MMP24: variants seen among roughly 807,000 people sequenced by gnomAD.
MMP24 encodes matrix metallopeptidase 24, also known as matrix metalloproteinase-24.
In MMP24, 25 loss-of-function variants were observed where a neutral mutation model predicts 62.8. The ratio of observed to expected loss-of-function variants is 0.40; its 90% CI spans 0.29 to 0.56. MMP24 has a LOEUF of 0.56. MMP24 is among the 20% of genes least tolerant of loss of function. The probability of loss-of-function intolerance (pLI) is 0.50; values close to 1 mark genes in which losing one functional copy is unlikely to be tolerated. For missense variants in MMP24, 634 were observed against 853.6 expected, an observed-to-expected ratio of 0.74 and a Z score of 3.21; for synonymous variants, 319 against 350.5, an observed-to-expected ratio of 0.91 and a Z score of 1.00.
In MMP24 at chr20:35,276,540, CTGAGA is replaced by C. The variant is rs1286594859; in HGVS notation, c.*1942_*1946del. 17 of 373,962 alleles carry C rather than the reference CTGAGA, an allele frequency of 4.5e-5. No individual in the cohort carries two copies. Among genetic ancestry groups the C allele is most frequent in the East Asian group, 1.5e-4 (4 of 26,102 alleles). The allele number at this position is 373,962 out of a possible 1,614,324, so 23.2% of individuals were successfully genotyped here. ...CCCCATCTGTGGACCCCTCTAGGGTCTGAGATGAGATGAGAAGTGTCTCCTGTATC... is the reference window on the plus strand; with the variant it reads ...CCCCATCTGTGGACCCCTCTAGGGTCTGAGATGAGAAGTGTCTCCTGTATC... On this transcript the variant is annotated 3_prime_UTR_variant, in exon 9 of 9. Coordinates refer to ENST00000246186, the MANE Select transcript of MMP24 (RefSeq NM_006690.4).
At chr20:35,266,210 G>A (rs2060633852) in intron 5 of MMP24, among the ~76,000 whole-genome samples, 1 of 146,730 alleles carries the variant, frequency 6.8e-6, no homozygotes, top group African/African-American at 2.5e-5. Flanking sequence ...AAATCACCTG[G>A]GTGTGGTGGT....
At chr20:35,250,865 C>T (rs555300672) in intron 2 of MMP24, among the ~76,000 whole-genome samples, 1 of 152,278 alleles carries the variant, frequency 6.6e-6, no homozygotes, top group Admixed American at 6.5e-5. Context: ...CCAATCACCT[C>T]CCACCAGGCC....
In MMP24 at chr20:35,269,843, T is replaced by C. The variant is rs374488445; in HGVS notation, c.1278T>C (p.Pro426=). 1.0e-4 allele frequency: 159 copies of C among 1,556,136 alleles called. 1 individual carries two copies. The African/African-American group carries it at 2.0e-3, about 20-fold the overall frequency. The change falls in exon 7 of 9, where the codon CCT becomes CCC. Residue 426 remains proline (P), a synonymous_variant. Coordinates refer to ENST00000246186, the MANE Select transcript of MMP24 (RefSeq NM_006690.4). This position sits in a 1 kb window ranked among gnomAD's most constrained non-coding sequence, Gnocchi z 4.6. The part of the protein sequence containing the change: ...MQIEQFWKGL[P]ARIDAAYERA... ...TCGAGCAGTTCTGGAAGGGCCTGCC[T>C]GCCCGCATCGACGCAGCCTATGAAA...
rs113812483 is a variant in MMP24, at chr20:35,260,620, C to T, written c.818-3171C>T. On this transcript the variant is annotated intron_variant, in intron 4 of 8. Transcript: ENST00000246186. ...GGATGGAGCTCAGCGATGAGCTCAC[C>T]CTTCCCTGCTGCCAGAGGGGCCAGG... Among the ~76,000 whole-genome samples the T allele has an allele frequency of 3.4e-3, 522 of 152,370 alleles. 1 individual carries two copies. The highest frequency in any genetic ancestry group is 0.011 in the African/African-American group (471 of 41,592).
rs775230498 is a variant in MMP24, at chr20:35,254,764, T to G, written c.817+10T>G. ...AATGCCAACCATGACGGTAAGGCCA[T>G]GAGGGGACAGGGGTCAGTCTTGGGC... On this transcript the variant is annotated intron_variant, in intron 4 of 8. Coordinates refer to ENST00000246186, the MANE Select transcript of MMP24 (RefSeq NM_006690.4). 6.2e-7 allele frequency: 1 copy of G among 1,604,016 alleles called. No individual in the cohort carries two copies. The highest frequency in any genetic ancestry group is 8.5e-7 in the Non-Finnish European group (1 of 1,174,232).
Position 35,276,148 on chromosome 20 carries a change from C to T in MMP24, c.*1539C>T, listed in dbSNP as rs564137918. ...ACCCTGTGGTCTCTGGGATTGGGGT[C>T]GGCTTACCCTGTAGCACAGACAGGG... is the stretch of plus-strand genomic sequence containing the variant. On this transcript the variant is annotated 3_prime_UTR_variant, in exon 9 of 9. Coordinates refer to ENST00000246186, the MANE Select transcript of MMP24 (RefSeq NM_006690.4). 5 of 398,668 alleles carry T rather than the reference C, an allele frequency of 1.3e-5. No individual in the cohort carries two copies. Among genetic ancestry groups the T allele is most frequent in the African/African-American group, 2.1e-5 (1 of 48,754 alleles). 24.7% of individuals were successfully genotyped at this position (398,668 alleles called of 1,614,324 possible). A position where few individuals can be genotyped will look rare whatever the true frequency, so the allele number is the denominator to read the frequency against.
At chr20:35,242,879 A>G (rs977666519) in intron 1 of MMP24, among the ~76,000 whole-genome samples, 3 of 152,130 alleles carry the variant, frequency 2.0e-5, no homozygotes, top group African/African-American at 2.4e-5. Flanking sequence ...CTAGATTTCA[A>G]AAAGCAAGAG....
At chr20:35,228,555 A>G (rs1481981148) in intron 1 of MMP24, among the ~76,000 whole-genome samples, 1 of 152,148 alleles carries the variant, frequency 6.6e-6, no homozygotes, top group East Asian at 1.9e-4. Flanking sequence ...CTTGGCCCCC[A>G]TTGGTTTGTG....
rs1019067718 is a variant in MMP24, at chr20:35,226,818, G to C, written c.80G>C (p.Ser27Thr). The C allele has an allele frequency of 1.1e-6, 1 of 873,896 alleles. No individual in the cohort carries two copies. Among genetic ancestry groups the C allele is most frequent in the Non-Finnish European group, 1.3e-6 (1 of 779,808 alleles). The allele number at this position is 873,896 out of a possible 1,614,324, so 54.1% of individuals were successfully genotyped here. Residue 27 changes from serine to threonine, a missense_variant, in exon 1 of 9, where the codon AGC (serine) becomes ACC (threonine). Ser to Thr is a moderately conservative substitution (Grantham distance 58). Coordinates refer to ENST00000246186, the MANE Select transcript of MMP24 (RefSeq NM_006690.4). The stretch of plus-strand genomic sequence containing the variant: ...CCGCCGGGCCAGGCCCCGCGCTGGA[G>C]CCGCTGGCGGGTCCCTGGGCGGCTG... ...PPPPGQAPRW[S>T]RWRVPGRLLL...
In MMP24 at chr20:35,268,823, C is replaced by T. The variant is rs578191850; in HGVS notation, c.1195-937C>T. On this transcript the variant is annotated intron_variant, in intron 6 of 8. Coordinates refer to ENST00000246186, the MANE Select transcript of MMP24 (RefSeq NM_006690.4). Reference sequence around the variant, plus strand: ...AGGGCGGATCATAAGGTCAGGAGATCAAGACCATCCTGGCTAACATGGTGA... The same window carrying T: ...AGGGCGGATCATAAGGTCAGGAGATTAAGACCATCCTGGCTAACATGGTGA... 5.0e-3 allele frequency among the ~76,000 whole-genome samples: 761 copies of T among 151,712 alleles called. 2 individuals carry two copies. Among genetic ancestry groups the T allele is most frequent in the Middle Eastern group, 6.9e-3 (2 of 288 alleles).
At chr20:35,234,789 C>A (rs2060454791) in intron 1 of MMP24, among the ~76,000 whole-genome samples, 1 of 152,196 alleles carries the variant, frequency 6.6e-6, no homozygotes, top group African/African-American at 2.4e-5. Flanking sequence ...TGCCTGTAAT[C>A]CCAGCTTCTC....
At position 35,274,440 on chromosome 20, in the gene MMP24, T is replaced by C; in HGVS notation, c.1769T>C (p.Met590Thr). ...CTGCCCCAGGACGACGTGGACATCATGGTGACCATCAACGATGTGCCGGGC... is the reference window on the plus strand; with the variant it reads ...CTGCCCCAGGACGACGTGGACATCACGGTGACCATCAACGATGTGCCGGGC... ...RRLPQDDVDI[M>T]VTINDVPGSV... is the part of the protein sequence containing the mutation. The change falls in exon 9 of 9, where the codon ATG (methionine) becomes ACG (threonine). Residue 590 changes from methionine to threonine, a missense_variant. Transcript: ENST00000246186. The surrounding 1 kb of genome is among the most constrained non-coding windows in gnomAD (Gnocchi z 5.1). 6.2e-7 allele frequency: 1 copy of C among 1,614,006 alleles called. No homozygotes were observed. Among genetic ancestry groups the C allele is most frequent in the South Asian group, 1.1e-5 (1 of 91,084 alleles).
intron 1 of MMP24, among the ~76,000 whole-genome samples, chr20:35,230,869 T>G (rs2060434589): frequency 6.6e-6 from 1 of 152,222 alleles, no homozygotes; most frequent in South Asian, 2.1e-4. Context: ...ATTTTTCATT[T>G]CGTATCTATG....
intron 2 of MMP24, 78 bp downstream of exon 2, chr20:35,247,066 C>T (rs1008341366): frequency 2.0e-6 from 3 of 1,496,472 alleles, no homozygotes; most frequent in African/African-American, 2.8e-5. Context: ...GGCCTGTGTA[C>T]ACCCCATGCC....
At chr20:35,231,567 A>G (rs888951331) in intron 1 of MMP24, among the ~76,000 whole-genome samples, 1 of 152,114 alleles carries the variant, frequency 6.6e-6, no homozygotes, top group East Asian at 1.9e-4. Context: ...ATATTACTTT[A>G]ATAGCTGTTT....
At chr20:35,245,673 T>G (rs962404465) in intron 1 of MMP24, among the ~76,000 whole-genome samples, 1 of 152,028 alleles carries the variant, frequency 6.6e-6, no homozygotes, top group African/African-American at 2.4e-5. Context: ...GGTCTCGAAC[T>G]CCTGACCTCA....
chr20:35,227,295 AAACCGTAC>A (rs2060418554), intron 1 of MMP24, among the ~76,000 whole-genome samples: 2 of 151,648 alleles, frequency 1.3e-5, no homozygotes, highest in Admixed American at 1.3e-4. Context: ...TGTGCGAGGG[AAACCGTAC>A]AACGCCTCGG....
Position 35,269,820 on chromosome 20 carries a change from G to A in MMP24, c.1255G>A (p.Glu419Lys), listed in dbSNP as rs1467777465. Residue 419 changes from glutamate (E) to lysine (K), a missense_variant, in exon 7 of 9, where the codon GAG becomes AAG. Glu to Lys is a moderately conservative substitution (Grantham distance 56, BLOSUM62 1). This residue lies in a region of MMP24 where 399 missense variants were observed against 530.8 expected (regional missense o/e 0.75). Transcript: ENST00000246186. This position sits in a 1 kb window ranked among gnomAD's most constrained non-coding sequence, Gnocchi z 4.6. ...RVQEGYPMQI[E>K]QFWKGLPARI... ...GCAGGAGGGCTACCCCATGCAGATC[G>A]AGCAGTTCTGGAAGGGCCTGCCTGC... 6.4e-7 allele frequency: 1 copy of A among 1,564,276 alleles called. No individual in the cohort carries two copies. The highest frequency in any genetic ancestry group is 8.7e-7 in the Non-Finnish European group (1 of 1,154,660).
chr20:35,254,462 T>C lies in MMP24; in HGVS notation c.525T>C (p.Tyr175=). Residue 175 remains tyrosine (Y), a synonymous_variant, in exon 4 of 9, where the codon TAT becomes TAC. Coordinates refer to ENST00000246186, the MANE Select transcript of MMP24 (RefSeq NM_006690.4). ...CCTCTCTCACCAGCATTCACAACTATACCCCAAAAGTGGGTGAGCTAGACA... is the reference window on the plus strand; with the variant it reads ...CCTCTCTCACCAGCATTCACAACTACACCCCAAAAGTGGGTGAGCTAGACA... ...QKHITYSIHN[Y]TPKVGELDTR... The C allele has an allele frequency of 6.2e-7, 1 of 1,613,630 alleles. No homozygotes were observed. The highest frequency in any genetic ancestry group is 8.5e-7 in the Non-Finnish European group (1 of 1,179,574).
Sources: allele counts gnomAD v4.1 joint callset (sites outside exome capture counted in the v4.1 genomes callset), GRCh38; gene constraint gnomAD v4.1.1; regional missense constraint gnomAD v4.1.1; non-coding constraint Gnocchi (gnomAD v3.1); transcripts MANE v1.5; gene names NCBI Gene and HGNC (gene_info 2026-07-23, HGNC 2026-07-21).